The following GRIK3 variants were observed in gnomAD, a reference collection of about 807,000 sequenced individuals.
The protein encoded by GRIK3 is glutamate ionotropic receptor kainate type subunit 3, also known as glutamate receptor ionotropic, kainate 3.
Under a neutral mutation model 102.5 loss-of-function variants are expected in GRIK3, and 29 were observed. That is an observed-to-expected ratio of 0.28 (90% CI 0.21 to 0.39). The LOEUF is 0.39. Among genes scored for constraint, GRIK3 ranks in the 10% least tolerant of loss-of-function variants. GRIK3 has a pLI of 1.00. For missense variants in GRIK3, 908 were observed against 1,252.4 expected, an observed-to-expected ratio of 0.73 and a Z score of 4.15; for synonymous variants, 511 against 504.9, an observed-to-expected ratio of 1.01 and a Z score of -0.16.
intron 1 of GRIK3, among the ~76,000 whole-genome samples, chr1:36,962,611 G>A (rs1454813466): frequency 2.0e-5 from 3 of 149,726 alleles, no homozygotes; most frequent in Non-Finnish European, 4.4e-5. Flanking sequence ...AGTGGTTAGC[G>A]GTGGAGGAAA....
intron 1 of GRIK3, among the ~76,000 whole-genome samples, chr1:36,927,836 A>G (rs2124310504): frequency 6.6e-6 from 1 of 152,132 alleles, no homozygotes; most frequent in African/African-American, 2.4e-5. Context: ...GCTCCCCGAG[A>G]GGCAGGGGGA....
intron 1 of GRIK3, among the ~76,000 whole-genome samples, chr1:36,940,136 C>T (rs915118265): frequency 6.6e-5 from 10 of 152,218 alleles, no homozygotes; most frequent in African/African-American, 2.4e-4. Flanking sequence ...AATAATTATA[C>T]AAGATACTGT....
At chr1:36,898,184 T>C (rs1222906880) in intron 1 of GRIK3, among the ~76,000 whole-genome samples, 1 of 151,950 alleles carries the variant, frequency 6.6e-6, no homozygotes, top group Non-Finnish European at 1.5e-5. Flanking sequence ...ACAAAATAGA[T>C]AACTAGAAAG....
chr1:36,890,396 G>A (rs563808377), intron 2 of GRIK3, among the ~76,000 whole-genome samples: 434 of 152,048 alleles, frequency 2.9e-3, no homozygotes, highest in Middle Eastern at 0.01. Context: ...CCTGGGAGGC[G>A]GAGGGTGCAG....
chr1:36,806,357 A>G lies in GRIK3; in HGVS notation c.2092-31T>C. 2 of 1,448,752 alleles carry G rather than the reference A, an allele frequency of 1.4e-6. No individual in the cohort carries two copies. The highest frequency in any genetic ancestry group is 1.9e-6 in the Non-Finnish European group (2 of 1,036,050). 89.7% of individuals were successfully genotyped at this position (1,448,752 alleles called of 1,614,324 possible). ...CCGTGAGGGAAGGGGTGATGCACAC[A>G]CCGTTACTAGGCGCACCAGGGACCA... On this transcript the variant is annotated intron_variant, in intron 13 of 15. Coordinates refer to ENST00000373091, the MANE Select transcript of GRIK3 (RefSeq NM_000831.4). This position sits in a 1 kb window ranked among gnomAD's most constrained non-coding sequence, Gnocchi z 4.0.
chr1:36,941,090 A>T (rs1011710468), intron 1 of GRIK3, among the ~76,000 whole-genome samples: 1 of 152,186 alleles, frequency 6.6e-6, no homozygotes, highest in Non-Finnish European at 1.5e-5. Flanking sequence ...CTGGGCTAGA[A>T]GCCCTTCTCT....
chr1:36,927,586 G>A (rs1641541080), intron 1 of GRIK3, among the ~76,000 whole-genome samples: 1 of 152,124 alleles, frequency 6.6e-6, no homozygotes, highest in Non-Finnish European at 1.5e-5. Context: ...GCCTTATCTT[G>A]GCTCTGCCCA....
At position 36,853,756 on chromosome 1, in the gene GRIK3, C is replaced by T. The variant is rs745347872; in HGVS notation, c.1105-34G>A. The T allele has an allele frequency of 3.7e-5, 44 of 1,179,668 alleles. 1 individual carries two copies. The highest frequency in any genetic ancestry group is 1.9e-4 in the Middle Eastern group (1 of 5,200). The allele number at this position is 1,179,668 out of a possible 1,614,324, so 73.1% of individuals were successfully genotyped here. A position where few individuals can be genotyped will look rare whatever the true frequency, so the allele number is the denominator to read the frequency against. ...GGGAGAGGGCAGAGCGGCAATTCCT[C>T]GGGCTTATAAATCATCATTCGGTAC... On this transcript the variant is annotated intron_variant, in intron 7 of 15. Coordinates refer to ENST00000373091, the MANE Select transcript of GRIK3 (RefSeq NM_000831.4).
Position 36,880,534 on chromosome 1 carries a change from C to G in GRIK3, c.550+100G>C. ...ACTGGGGTATGGAACACAGCCTCTTCCCCCAGGGCAGCTGTGCTGAACAAA... is the reference window on the plus strand; with the variant it reads ...ACTGGGGTATGGAACACAGCCTCTTGCCCCAGGGCAGCTGTGCTGAACAAA... On this transcript the variant is annotated intron_variant, in intron 3 of 15. Transcript: ENST00000373091. The surrounding 1 kb of genome is among the most constrained non-coding windows in gnomAD (Gnocchi z 5.4). 8.4e-7 allele frequency: 1 copy of G among 1,194,116 alleles called. No individual in the cohort carries two copies. Among genetic ancestry groups the G allele is most frequent in the South Asian group, 1.4e-5 (1 of 73,888 alleles). The allele number at this position is 1,194,116 out of a possible 1,614,324, so 74.0% of individuals were successfully genotyped here.
intron 1 of GRIK3, among the ~76,000 whole-genome samples, chr1:36,942,472 A>G (rs962158588): frequency 2.0e-5 from 3 of 152,142 alleles, no homozygotes; most frequent in Non-Finnish European, 2.9e-5. Flanking sequence ...TCTCTCTCCA[A>G]ACCTCCCGTG....
At chr1:36,933,605 G>A (rs554702945) in intron 1 of GRIK3, among the ~76,000 whole-genome samples, 3 of 152,312 alleles carry the variant, frequency 2.0e-5, no homozygotes, top group South Asian at 4.1e-4. Flanking sequence ...CGACAACTGA[G>A]TGACTAGGTC....
intron 1 of GRIK3, among the ~76,000 whole-genome samples, chr1:36,965,384 C>T (rs570996557): frequency 2.6e-5 from 4 of 152,288 alleles, no homozygotes; most frequent in African/African-American, 9.6e-5. Flanking sequence ...CAAATAACAT[C>T]TTAACACAGA....
intron 1 of GRIK3, among the ~76,000 whole-genome samples, chr1:37,027,637 C>T (rs1029129511): frequency 6.6e-5 from 10 of 152,184 alleles, no homozygotes; most frequent in Admixed American, 1.3e-4. Context: ...TTTGAAAAGA[C>T]GTCACACGTA....
At chr1:36,877,806 A>G (rs988783140) in intron 3 of GRIK3, among the ~76,000 whole-genome samples, 2 of 152,178 alleles carry the variant, frequency 1.3e-5, no homozygotes, top group Non-Finnish European at 1.5e-5. Context: ...CTCCTCTGGT[A>G]AGTCAGCTCA....
intron 2 of GRIK3, among the ~76,000 whole-genome samples, chr1:36,889,538 G>A (rs1641079177): frequency 6.6e-6 from 1 of 152,130 alleles, no homozygotes; most frequent in South Asian, 2.1e-4. Flanking sequence ...TCTGGTTGGG[G>A]GGAGGCGGGG....
At chr1:36,940,764 A>C (rs1641711124) in intron 1 of GRIK3, among the ~76,000 whole-genome samples, 3 of 152,190 alleles carry the variant, frequency 2.0e-5, no homozygotes, top group African/African-American at 7.2e-5. Flanking sequence ...CGCCCCTTGC[A>C]AAGGATTTCT....
chr1:36,863,816 T>C (rs1303196850), intron 5 of GRIK3, among the ~76,000 whole-genome samples: 1 of 152,188 alleles, frequency 6.6e-6, no homozygotes, highest in Non-Finnish European at 1.5e-5. Context: ...CTATGAGCTA[T>C]GGGCTGAATA....
intron 1 of GRIK3, among the ~76,000 whole-genome samples, chr1:36,892,405 G>A (rs1356053601): frequency 6.6e-6 from 1 of 151,854 alleles, no homozygotes; most frequent in Non-Finnish European, 1.5e-5. Flanking sequence ...AGAGGCCGAG[G>A]CAGGAAGATG....
rs1557455184 is a variant in GRIK3 at position 36,992,343 on chromosome 1, G to A, written c.115+41651C>T. 2.6e-5 allele frequency among the ~76,000 whole-genome samples: 4 copies of A among 152,270 alleles called. No individual in the cohort carries two copies. In the South Asian group the frequency reaches 8.3e-4, roughly 32 times the overall value. ...AGAGGGAGGTGTGGGTGGGATGGTG[G>A]GGTCATAGACGCCCACCTTGGGAAA... On this transcript the variant is annotated intron_variant, in intron 1 of 15. Coordinates refer to ENST00000373091, the MANE Select transcript of GRIK3 (RefSeq NM_000831.4).
Sources: allele counts gnomAD v4.1 joint callset (sites outside exome capture counted in the v4.1 genomes callset), GRCh38; gene constraint gnomAD v4.1.1; non-coding constraint Gnocchi (gnomAD v3.1); transcripts MANE v1.5; gene names NCBI Gene and HGNC (gene_info 2026-07-23, HGNC 2026-07-21).